GREB1L: variants seen among roughly 807,000 people sequenced by gnomAD.
GREB1L encodes the protein GREB1 like retinoic acid receptor coactivator, also known as GREB1-like protein.
GREB1L carries 17 observed loss-of-function variants against 200.8 expected under a neutral mutation model. The observed-to-expected ratio is 0.08, with a 90% CI of 0.06 to 0.13. GREB1L has a LOEUF of 0.13. Ranked by LOEUF, GREB1L falls within the 10% of genes least tolerant of loss-of-function variation. GREB1L has a pLI of 1.00. For missense variants in GREB1L, 1,657 were observed against 2,367.7 expected, an observed-to-expected ratio of 0.70 and a Z score of 6.23; for synonymous variants, 789 against 893.0, an observed-to-expected ratio of 0.88 and a Z score of 2.08.
At chr18:21,313,423 T>C (rs1436882026) in intron 1 of GREB1L, among the ~76,000 whole-genome samples, 2 of 152,230 alleles carry the variant, frequency 1.3e-5, no homozygotes, top group African/African-American at 2.4e-5. Flanking sequence ...TTACCTCATT[T>C]AATCCTTAAG....
At chr18:21,305,312 A>G (rs1308658781) in intron 1 of GREB1L, among the ~76,000 whole-genome samples, 2 of 151,934 alleles carry the variant, frequency 1.3e-5, no homozygotes, top group Non-Finnish European at 2.9e-5. Flanking sequence ...ATTTTATTTT[A>G]TTCCTAGCAA....
chr18:21,520,473 AAG>A (rs574794527), intron 31 of GREB1L, among the ~76,000 whole-genome samples: 44 of 152,356 alleles, frequency 2.9e-4, no homozygotes, highest in Non-Finnish European at 6.2e-4. Flanking sequence ...AAACATAAAT[AAG>A]AGAAGCTTTA....
At chr18:21,384,913 A>T (rs1036783694) in intron 4 of GREB1L, among the ~76,000 whole-genome samples, 5 of 151,944 alleles carry the variant, frequency 3.3e-5, no homozygotes, top group African/African-American at 1.2e-4. Context: ...AAATGTAAAA[A>T]TTTATAGAGG....
intron 11 of GREB1L, among the ~76,000 whole-genome samples, chr18:21,446,604 T>C (rs2034236677): frequency 6.6e-6 from 1 of 151,896 alleles, no homozygotes; most frequent in African/African-American, 2.4e-5. Flanking sequence ...GCTTTGTACA[T>C]TGAGACATCT....
intron 1 of GREB1L, among the ~76,000 whole-genome samples, chr18:21,316,475 G>A (rs1414409718): frequency 6.6e-6 from 1 of 152,242 alleles, no homozygotes. Flanking sequence ...TAGCAGTGAC[G>A]CATTTCAAAG....
chr18:21,439,697 A>G, intron 8 of GREB1L, 60 bp downstream of exon 8: 2 of 1,052,092 alleles, frequency 1.9e-6, no homozygotes, highest in Non-Finnish European at 2.9e-6. Context: ...CAAGTGCTCC[A>G]GATTTTGTAA....
intron 1 of GREB1L, among the ~76,000 whole-genome samples, chr18:21,355,750 G>A (rs374729921): frequency 6.6e-6 from 1 of 152,140 alleles, no homozygotes; most frequent in East Asian, 1.9e-4. Flanking sequence ...TGGATTTAGT[G>A]ACACGGATTT....
chr18:21,275,048 T>A (rs1174463430), intron 1 of GREB1L, among the ~76,000 whole-genome samples: 1 of 152,172 alleles, frequency 6.6e-6, no homozygotes. Flanking sequence ...GAGACCATCC[T>A]GGCTAACACG....
intron 12 of GREB1L, 35 bp downstream of exon 12, chr18:21,449,871 A>G: frequency 7.2e-7 from 1 of 1,397,054 alleles, no homozygotes; most frequent in African/African-American, 1.4e-5. Context: ...TTGTTTAATC[A>G]ATTCATTCGA....
Position 21,466,420 on chromosome 18 carries a change from A to AT in GREB1L, c.2183-6603dup, listed in dbSNP as rs955439621. ...TTTGGTATGCGCATACCTCCTTAAA[A>AT]TTTTTTTTATTTTAAAATAATTTTA... is the stretch of plus-strand genomic sequence containing the variant. On this transcript the variant is annotated intron_variant, in intron 15 of 32. Transcript: ENST00000424526. Among the ~76,000 whole-genome samples the AT allele has an allele frequency of 3.9e-4, 60 of 152,110 alleles. No homozygotes were observed. In the Middle Eastern group the frequency reaches 0.024, roughly 60 times the overall value.
chr18:21,452,233 A>G lies in GREB1L; in HGVS notation c.1984+16A>G, dbSNP rs1460585455. 2 of 1,550,266 alleles carry G rather than the reference A, an allele frequency of 1.3e-6. No homozygotes were observed. The highest frequency in any genetic ancestry group is 3.9e-5 in the Admixed American group (2 of 50,806). On this transcript the variant is annotated intron_variant, in intron 14 of 32. Transcript: ENST00000424526. ...CAAAACCTGGGTAATGTCATCTCAG[A>G]CCAAGAGGAGGAAGTCAGTCCTTGG...
chr18:21,424,467 G>A (rs1382517038), intron 7 of GREB1L, among the ~76,000 whole-genome samples: 1 of 152,112 alleles, frequency 6.6e-6, no homozygotes, highest in Non-Finnish European at 1.5e-5. Context: ...TACTTGGGAA[G>A]CTGAGACATG....
At chr18:21,256,673 G>A (rs564133273) in intron 1 of GREB1L, among the ~76,000 whole-genome samples, 1 of 152,190 alleles carries the variant, frequency 6.6e-6, no homozygotes, top group East Asian at 1.9e-4. Context: ...TTCCAAAACA[G>A]GTCACATTTC....
Position 21,307,306 on chromosome 18 carries a change from G to C in GREB1L, c.-119-58721G>C, listed in dbSNP as rs117201534. Among the ~76,000 whole-genome samples the C allele has an allele frequency of 2.6e-4, 40 of 152,328 alleles. 1 individual carries two copies. In the East Asian group the frequency reaches 7.7e-3, roughly 29 times the overall value. ...CAGTTCCCCTGGTAGGAACTATGCA[G>C]GAATCTAGAGCTGGTGGATTTGGGG... On this transcript the variant is annotated intron_variant, in intron 1 of 32. Coordinates refer to ENST00000424526, the MANE Select transcript of GREB1L (RefSeq NM_001142966.3).
At chr18:21,498,216 C>T (rs2036629511) in intron 21 of GREB1L, among the ~76,000 whole-genome samples, 1 of 152,260 alleles carries the variant, frequency 6.6e-6, no homozygotes, top group South Asian at 2.1e-4. Flanking sequence ...CAGCACTGGT[C>T]TTCCTGTCCA....
In GREB1L at chr18:21,401,288, A is replaced by G; in HGVS notation, c.671A>G (p.Gln224Arg). 1.3e-6 allele frequency: 2 copies of G among 1,551,836 alleles called. No homozygotes were observed. The highest frequency in any genetic ancestry group is 2.4e-5 in the South Asian group (2 of 84,064). Reference sequence around the variant, plus strand: ...AAGTACTACCTAGTCAGAAGCTCCCAGGGTGTACTGTCTAAAGGACCTCTT... The same window carrying G: ...AAGTACTACCTAGTCAGAAGCTCCCGGGGTGTACTGTCTAAAGGACCTCTT... ...HLKYYLVRSS[Q>R]GVLSKGPLIC... Residue 224 changes from glutamine (Q) to arginine (R), a missense_variant, in exon 6 of 33, where the codon CAG becomes CGG. Gln to Arg is a conservative substitution (Grantham distance 43, BLOSUM62 1). This residue lies in a region of GREB1L where 70 missense variants were observed against 151.3 expected (regional missense o/e 0.46). Transcript: ENST00000424526.
intron 1 of GREB1L, among the ~76,000 whole-genome samples, chr18:21,261,431 A>G (rs915265623): frequency 1.3e-5 from 2 of 152,092 alleles, no homozygotes; most frequent in Non-Finnish European, 2.9e-5. Context: ...TCTCTTAAGC[A>G]AGGTTACCTT....
chr18:21,505,707 A>C, intron 24 of GREB1L, 103 bp from the exon 25 acceptor site: 1 of 1,410,480 alleles, frequency 7.1e-7, no homozygotes, highest in Non-Finnish European at 9.6e-7. Context: ...CATAAATTAC[A>C]GAATACATGG....
At chr18:21,332,852 G>C (rs1286838088) in intron 1 of GREB1L, among the ~76,000 whole-genome samples, 1 of 152,078 alleles carries the variant, frequency 6.6e-6, no homozygotes, top group Non-Finnish European at 1.5e-5. Context: ...AGGCTGAGAT[G>C]GTAGAATCAC....
Sources: gnomAD v4.1 joint callset for allele counts (sites outside exome capture counted in the v4.1 genomes callset) on GRCh38, gnomAD v4.1.1 for gene constraint, gnomAD v4.1.1 regional missense constraint, MANE v1.5 for transcripts, NCBI Gene and HGNC (gene_info 2026-07-23, HGNC 2026-07-21) for gene names.